Variants in CAMKMT observed in about 807,000 individuals in gnomAD.
CAMKMT encodes CaM KMT.
CAMKMT carries 53 observed loss-of-function variants against 48.0 expected under a neutral mutation model. That is an observed-to-expected ratio of 1.10 (90% CI 0.89 to 1.39). The LOEUF (loss-of-function observed/expected upper bound fraction) is 1.39, where lower values mean the gene tolerates loss of function less well. CAMKMT is among the 40% of genes most tolerant of loss of function. CAMKMT has a pLI of 0.00. For missense variants in CAMKMT, 428 were observed against 402.7 expected, an observed-to-expected ratio of 1.06 and a Z score of -0.54; for synonymous variants, 165 against 152.3, an observed-to-expected ratio of 1.08 and a Z score of -0.61.
At chr2:44,663,761 G>A (rs1032545510) in intron 3 of CAMKMT, among the ~76,000 whole-genome samples, 31 of 152,108 alleles carry the variant, frequency 2.0e-4, no homozygotes, top group Admixed American at 1.6e-3. Flanking sequence ...CATCTTGTTC[G>A]TGAATCTTTC....
intron 3 of CAMKMT, among the ~76,000 whole-genome samples, chr2:44,466,548 T>G (rs1433952707): frequency 6.6e-6 from 1 of 152,142 alleles, no homozygotes; most frequent in Non-Finnish European, 1.5e-5. Flanking sequence ...AAGTTTATAG[T>G]GGTAGACACA....
chr2:44,457,016 G>T, intron 3 of CAMKMT: 1 of 156,890 alleles, frequency 6.4e-6, no homozygotes, highest in Non-Finnish European at 1.4e-5. Context: ...AAAGATAGTT[G>T]AATATGATTT....
intron 3 of CAMKMT, among the ~76,000 whole-genome samples, chr2:44,518,405 TA>T (rs145467201): frequency 1.3e-5 from 2 of 152,090 alleles, no homozygotes; most frequent in Non-Finnish European, 2.9e-5. Flanking sequence ...TTTTTGAAAA[TA>T]AAAAACATAA....
chr2:44,513,480 T>C (rs921831198), intron 3 of CAMKMT, among the ~76,000 whole-genome samples: 3 of 152,218 alleles, frequency 2.0e-5, no homozygotes, highest in African/African-American at 7.2e-5. Flanking sequence ...CCTACTTGTT[T>C]TTGAATTTTT....
At chr2:44,522,215 C>T (rs534674478) in intron 3 of CAMKMT, among the ~76,000 whole-genome samples, 84 of 152,050 alleles carry the variant, frequency 5.5e-4, no homozygotes, top group Non-Finnish European at 1.8e-4. Context: ...CTGTATTAGC[C>T]GGGATGGTCT....
chr2:44,408,062 T>C (rs1682905786), intron 3 of CAMKMT, among the ~76,000 whole-genome samples: 1 of 146,378 alleles, frequency 6.8e-6, no homozygotes, highest in African/African-American at 2.6e-5. Context: ...AGTCTCACTC[T>C]GTCCCCAGGC....
At chr2:44,620,721 T>G (rs1672136990) in intron 3 of CAMKMT, among the ~76,000 whole-genome samples, 1 of 152,238 alleles carries the variant, frequency 6.6e-6, no homozygotes, top group South Asian at 2.1e-4. Flanking sequence ...TATTTATCTT[T>G]AATTCCTACC....
At chr2:44,750,644 G>C (rs1306838484) in intron 8 of CAMKMT, among the ~76,000 whole-genome samples, 3 of 152,174 alleles carry the variant, frequency 2.0e-5, no homozygotes, top group Non-Finnish European at 4.4e-5. Flanking sequence ...CAGCACGGCT[G>C]TTCTTCCCCA....
intron 4 of CAMKMT, 38 bp downstream of exon 4, chr2:44,704,381 C>T (rs343989): frequency 0.18 from 246,767 of 1,374,696 alleles, 24,980 homozygotes; most frequent in African/African-American, 0.42. Flanking sequence ...TAGCCCATCA[C>T]GGATATTGAA....
chr2:44,674,805 G>C (rs1675574467), intron 3 of CAMKMT, among the ~76,000 whole-genome samples: 1 of 152,062 alleles, frequency 6.6e-6, no homozygotes, highest in South Asian at 2.1e-4. Flanking sequence ...ATAATTAAGA[G>C]TTGATTATAC....
At chr2:44,372,349 G>A (rs1449493446) in intron 1 of CAMKMT, among the ~76,000 whole-genome samples, 1 of 151,956 alleles carries the variant, frequency 6.6e-6, no homozygotes, top group East Asian at 1.9e-4. Flanking sequence ...ACCAGACGTG[G>A]TGGTGCATAC....
intron 3 of CAMKMT, among the ~76,000 whole-genome samples, chr2:44,465,235 C>T (rs1335320249): frequency 6.6e-6 from 1 of 151,682 alleles, no homozygotes; most frequent in African/African-American, 2.4e-5. Flanking sequence ...TCATAGTAAC[C>T]ACAAAGAAAA....
intron 3 of CAMKMT, among the ~76,000 whole-genome samples, chr2:44,434,152 C>A (rs1404976458): frequency 6.6e-6 from 1 of 151,884 alleles, no homozygotes; most frequent in African/African-American, 2.4e-5. Context: ...GTTTGCAGTG[C>A]CGTCTTCATT....
intron 3 of CAMKMT, among the ~76,000 whole-genome samples, chr2:44,699,401 C>A (rs768833179): frequency 2.6e-5 from 4 of 152,140 alleles, no homozygotes; most frequent in Non-Finnish European, 5.9e-5. Flanking sequence ...TCCATCAGTG[C>A]CCTTTGGTGA....
At chr2:44,510,127 A>G (rs905908948) in intron 3 of CAMKMT, among the ~76,000 whole-genome samples, 4 of 152,192 alleles carry the variant, frequency 2.6e-5, no homozygotes, top group Non-Finnish European at 4.4e-5. Context: ...GCTTATTCAA[A>G]TTTCACCAGA....
At chr2:44,593,971 C>T (rs1230092962) in intron 3 of CAMKMT, among the ~76,000 whole-genome samples, 1 of 152,014 alleles carries the variant, frequency 6.6e-6, no homozygotes, top group Non-Finnish European at 1.5e-5. Flanking sequence ...CTGTGTTGGT[C>T]AGGCTGGTCT....
At chr2:44,511,490 T>G (rs576585979) in intron 3 of CAMKMT, among the ~76,000 whole-genome samples, 11 of 152,134 alleles carry the variant, frequency 7.2e-5, no homozygotes, top group African/African-American at 2.7e-4. Flanking sequence ...GGTATCACCA[T>G]GTTAGCCAGG....
At chr2:44,370,610 C>T (rs67721434) in intron 1 of CAMKMT, among the ~76,000 whole-genome samples, 34,695 of 151,936 alleles carry the variant, frequency 0.23, 7,206 homozygotes, top group African/African-American at 0.56. Flanking sequence ...TTAGTATTAT[C>T]GATCCTCTCT....
intron 3 of CAMKMT, among the ~76,000 whole-genome samples, chr2:44,635,493 A>T (rs1260847478): frequency 6.6e-6 from 1 of 152,250 alleles, no homozygotes; most frequent in African/African-American, 2.4e-5. Context: ...AAATATAAAT[A>T]GACAAGCTAG....
Sources: allele counts gnomAD v4.1 joint callset (sites outside exome capture counted in the v4.1 genomes callset), GRCh38; gene constraint gnomAD v4.1.1; transcripts MANE v1.5; gene names NCBI Gene and HGNC (gene_info 2026-07-23, HGNC 2026-07-21).